Variants in PHF8 observed in about 807,000 individuals in gnomAD.
PHF8 encodes the protein histone lysine demethylase PHF8.
In PHF8, 9 loss-of-function variants were observed where a neutral mutation model predicts 74.4. The ratio of observed to expected loss-of-function variants is 0.12; its 90% CI spans 0.07 to 0.21. The LOEUF (loss-of-function observed/expected upper bound fraction) is 0.21. Among genes scored for constraint, PHF8 ranks in the 10% least tolerant of loss-of-function variants. The pLI is 1.00. For missense variants in PHF8, 478 were observed against 816.6 expected (o/e 0.59, Z 5.05); for synonymous variants, 311 against 316.6 (o/e 0.98, Z 0.19).
chrX:53,944,558 A>C (rs1183519946), intron 19 of PHF8: 9 of 236,999 alleles, frequency 3.8e-5, no homozygotes, highest in Non-Finnish European at 6.9e-5. Context: ...TCACTACAAA[A>C]AATTAAAAAG....
intron 2 of PHF8, among the ~76,000 whole-genome samples, chrX:54,041,832 T>C (rs1370925300): frequency 1.8e-5 from 2 of 112,599 alleles, no homozygotes; most frequent in Non-Finnish European, 3.7e-5. Flanking sequence ...ATGTATTTGA[T>C]AACATTTTAT....
chrX:54,004,421 G>C (rs782395312), intron 8 of PHF8, among the ~76,000 whole-genome samples: 1 of 111,090 alleles, frequency 9.0e-6, no homozygotes, highest in East Asian at 2.8e-4. Context: ...GAGAAAAACA[G>C]ACTTGTAAAA....
At chrX:54,007,611 A>G (rs2065916046) in intron 8 of PHF8, among the ~76,000 whole-genome samples, 1 of 112,311 alleles carries the variant, frequency 8.9e-6, no homozygotes, top group Admixed American at 9.5e-5. Flanking sequence ...TATTTCTCCA[A>G]AAAAAACTAT....
rs1740282823 is a variant in PHF8 at position 53,938,505 on chromosome X, G to C, written c.*653C>G. On this transcript the variant is annotated 3_prime_UTR_variant, in exon 22 of 22. Transcript: ENST00000338154. Reference sequence around the variant, plus strand: ...CTCTCCCTACCTTGACAAGTGATAGGAATCACCTTTCTTTTGAAAGGTAAG... The same window carrying C: ...CTCTCCCTACCTTGACAAGTGATAGCAATCACCTTTCTTTTGAAAGGTAAG... 1.3e-6 allele frequency: 1 copy of C among 761,428 alleles called. No individual in the cohort carries two copies. The highest frequency in any genetic ancestry group is 2.3e-5 in the African/African-American group (1 of 43,580). The allele number at this position is 761,428 out of a possible 1,213,427, so 62.8% of individuals were successfully genotyped here.
At chrX:54,047,636 G>A (rs1557117662), upstream of PHF8, among the ~76,000 whole-genome samples, 1 of 111,472 alleles carries the variant, frequency 9.0e-6, no homozygotes, top group African/African-American at 3.3e-5. Flanking sequence ...GGGGATTTAG[G>A]GGTAAACAAA....
At chrX:53,975,893 T>A (rs782580925) in intron 18 of PHF8, among the ~76,000 whole-genome samples, 7 of 111,831 alleles carry the variant, frequency 6.3e-5, no homozygotes, top group Admixed American at 9.6e-5. Flanking sequence ...AAAATAAAGG[T>A]TTGATGATAG....
At chrX:53,961,253 C>T (rs1697965596) in intron 19 of PHF8, among the ~76,000 whole-genome samples, 1 of 110,090 alleles carries the variant, frequency 9.1e-6, no homozygotes, top group African/African-American at 3.3e-5. Flanking sequence ...AAACTCCTGA[C>T]CTCAAGTGAT....
intron 18 of PHF8, among the ~76,000 whole-genome samples, chrX:53,982,676 G>T (rs782147647): frequency 8.9e-6 from 1 of 111,792 alleles, no homozygotes; most frequent in Non-Finnish European, 1.9e-5. Context: ...TTATGACAAA[G>T]GTAGAACTTC....
intron 20 of PHF8, 146 bp downstream of exon 20, chrX:53,943,988 C>T (rs782405875): frequency 2.1e-6 from 1 of 487,479 alleles, no homozygotes; most frequent in Non-Finnish European, 3.7e-6. Flanking sequence ...TAAGAGGGGG[C>T]TGGGATACTG....
At chrX:53,988,960 CTTT>C (rs1196324158) in intron 14 of PHF8, among the ~76,000 whole-genome samples, 1 of 99,400 alleles carries the variant, frequency 1.0e-5, no homozygotes. Context: ...TTTATATTTG[CTTT>C]TTTTTTTTTT....
intron 2 of PHF8, among the ~76,000 whole-genome samples, chrX:54,041,962 C>G (rs781899910): frequency 6.2e-5 from 7 of 112,266 alleles, no homozygotes; most frequent in African/African-American, 1.6e-4. Flanking sequence ...ATAAGCAACA[C>G]TGTTTTCCCA....
At chrX:53,950,872 C>T (rs981994408) in intron 19 of PHF8, among the ~76,000 whole-genome samples, 1 of 111,965 alleles carries the variant, frequency 8.9e-6, no homozygotes, top group Non-Finnish European at 1.9e-5. Context: ...CAAAAAATTA[C>T]AAGACATACA....
intron 19 of PHF8, among the ~76,000 whole-genome samples, chrX:53,956,696 G>A (rs895672820): frequency 1.8e-5 from 2 of 109,599 alleles, no homozygotes; most frequent in Admixed American, 2.0e-4. Context: ...GTGTGTGTGT[G>A]TGTGTGTGTG....
intron 2 of PHF8, among the ~76,000 whole-genome samples, chrX:54,039,119 G>A (rs2066509834): frequency 1.1e-5 from 1 of 94,561 alleles, no homozygotes; most frequent in South Asian, 5.5e-4. Flanking sequence ...GGGCAACAGA[G>A]TGAGACTCTG....
chrX:54,017,126 G>A (rs1478322962), intron 5 of PHF8, among the ~76,000 whole-genome samples: 3 of 112,864 alleles, frequency 2.7e-5, no homozygotes, highest in Non-Finnish European at 3.7e-5. Flanking sequence ...GGTAAAAAAC[G>A]GAGCTCAACC....
At chrX:53,990,620 G>A in intron 14 of PHF8, among the ~76,000 whole-genome samples, 1 of 111,629 alleles carries the variant, frequency 9.0e-6, no homozygotes, top group African/African-American at 3.2e-5. Context: ...GAATAGCTCT[G>A]TTGCTTTCAG....
At chrX:53,981,662 G>A (rs1207324537) in intron 18 of PHF8, among the ~76,000 whole-genome samples, 2 of 111,889 alleles carry the variant, frequency 1.8e-5, no homozygotes, top group Non-Finnish European at 3.8e-5. Context: ...CAGAGCTTAA[G>A]GCCATAGAGA....
chrX:54,028,217 A>G (rs1387503017), intron 2 of PHF8, among the ~76,000 whole-genome samples: 1 of 111,370 alleles, frequency 9.0e-6, no homozygotes, highest in Non-Finnish European at 1.9e-5. Context: ...TAGACTCCGA[A>G]GGTAGCAGAG....
chrX:54,045,632 TAAGA>T (rs1466002596), upstream of PHF8, among the ~76,000 whole-genome samples: 1 of 112,758 alleles, frequency 8.9e-6, no homozygotes, highest in African/African-American at 3.2e-5. Flanking sequence ...GCAGCTGCTG[TAAGA>T]AAGACGGCAG....
Sources: gnomAD v4.1 joint callset for allele counts (sites outside exome capture counted in the v4.1 genomes callset) on GRCh38, gnomAD v4.1.1 for gene constraint, MANE v1.5 for transcripts, NCBI Gene and HGNC (gene_info 2026-07-23, HGNC 2026-07-21) for gene names.